Variants in PCDHGA11 observed in about 807,000 individuals in gnomAD.
PCDHGA11 encodes protocadherin gamma subfamily A, 11.
A neutral mutation model predicts 60.4 loss-of-function variants in PCDHGA11; 39 were observed. The ratio of observed to expected loss-of-function variants is 0.65; its 90% confidence interval spans 0.50 to 0.84. PCDHGA11 has a LOEUF of 0.84. Among genes scored for constraint, PCDHGA11 ranks in the 40% least tolerant of loss-of-function variants. The pLI, the probability that PCDHGA11 is intolerant of heterozygous loss-of-function variation, is 0.00. For synonymous variants in PCDHGA11, 533 were observed against 510.3 expected (o/e 1.04, Z -0.60); for missense variants, 1,165 against 1,197.7 (o/e 0.97, Z 0.40).
At position 141,471,885 on chromosome 5, in the gene PCDHGA11, A is replaced by G. The variant is rs180968509; in HGVS notation, c.2434-22922A>G. ...ACTGTGGTTGCCTGAGGCTGAAGCT[A>G]GGAAGATTGACTACAGACAAGCATG... On this transcript the variant is annotated intron_variant, in intron 1 of 3. Transcript: ENST00000398587. Among the ~76,000 whole-genome samples the G allele has an allele frequency of 1.9e-3, 294 of 152,338 alleles. 1 individual carries two copies. Among genetic ancestry groups the G allele is most frequent in the Middle Eastern group, 0.017 (5 of 294 alleles).
chr5:141,491,954 C>CA lies in PCDHGA11; in HGVS notation c.2434-2847dup. 1 of 1,032,920 alleles carries CA rather than the reference C, an allele frequency of 9.7e-7. No homozygotes were observed. Among genetic ancestry groups the CA allele is most frequent in the Non-Finnish European group, 1.3e-6 (1 of 747,262 alleles). 64.0% of individuals were successfully genotyped at this position (1,032,920 alleles called of 1,614,324 possible). A position where few individuals can be genotyped will look rare whatever the true frequency, so the allele number is the denominator to read the frequency against. ...TGGGACCGACCCCCACCCCTACACTCAAAAAAGGCCGGGGCCTCCTTCGAG... is the reference window on the plus strand; with the variant it reads ...TGGGACCGACCCCCACCCCTACACTCAAAAAAAGGCCGGGGCCTCCTTCGAG... On this transcript the variant is annotated intron_variant, in intron 1 of 3. Coordinates refer to ENST00000398587, the MANE Select transcript of PCDHGA11 (RefSeq NM_018914.3). This position sits in a 1 kb window ranked among gnomAD's most constrained non-coding sequence, Gnocchi z 6.9.
chr5:141,426,806 T>C (rs1390972821), intron 1 of PCDHGA11: 1 of 456,600 alleles, frequency 2.2e-6, no homozygotes, highest in Non-Finnish European at 4.4e-6. Context: ...TCAGTTCTAA[T>C]GAACATTTCT....
chr5:141,502,866 C>CTT (rs549047197), intron 2 of PCDHGA11, among the ~76,000 whole-genome samples: 3 of 128,046 alleles, frequency 2.3e-5, no homozygotes, highest in Non-Finnish European at 3.2e-5. Flanking sequence ...GACTCTCTGT[C>CTT]TTTTTTTTTT....
Position 141,421,189 on chromosome 5 carries a change from C to T in PCDHGA11, c.-39C>T. 1.4e-6 allele frequency: 2 copies of T among 1,477,674 alleles called. No homozygotes were observed. The highest frequency in any genetic ancestry group is 2.7e-5 in the South Asian group (2 of 74,392). The allele number at this position is 1,477,674 out of a possible 1,614,324, so 91.5% of individuals were successfully genotyped here. ...ATACATAAGCCGATTCACAACCAAC[C>T]AGCTCGAGAAACCGCGGAATATCGG... On this transcript the variant is annotated 5_prime_UTR_variant, in exon 1 of 4. Transcript: ENST00000398587.
chr5:141,488,552 A>C (rs993681273), intron 1 of PCDHGA11, among the ~76,000 whole-genome samples: 1 of 152,194 alleles, frequency 6.6e-6, no homozygotes, highest in African/African-American at 2.4e-5. Context: ...GTCAGCTGAC[A>C]TTGAGATTTC....
rs2099641960 is a variant in PCDHGA11 at position 141,487,259 on chromosome 5, T to C, written c.2434-7548T>C. On this transcript the variant is annotated intron_variant, in intron 1 of 3. Coordinates refer to ENST00000398587, the MANE Select transcript of PCDHGA11 (RefSeq NM_018914.3). This position sits in a 1 kb window ranked among gnomAD's most constrained non-coding sequence, Gnocchi z 5.0. ...TCGTCTAACCCTCTACTTGGCTGTG[T>C]CCCTAGTGGCAATTTGCTTTGTCTC... 6.2e-7 allele frequency: 1 copy of C among 1,614,132 alleles called. No homozygotes were observed. Among genetic ancestry groups the C allele is most frequent in the Non-Finnish European group, 8.5e-7 (1 of 1,180,012 alleles).
rs2099883574 is a variant in PCDHGA11, at chr5:141,511,027, C to T, written c.2662C>T (p.Leu888=). The change falls in exon 4 of 4, where the codon CTG becomes TTG. Residue 888 remains leucine (L), a synonymous_variant. Transcript: ENST00000398587. ...CGCCCGCTACGGACCCCAGTTCACCCTGCAGCACGTGCCCGACTACCGCCA... is the reference window on the plus strand; with the variant it reads ...CGCCCGCTACGGACCCCAGTTCACCTTGCAGCACGTGCCCGACTACCGCCA... The part of the protein sequence containing the change: ...LSARYGPQFT[L]QHVPDYRQNV... 2 of 1,614,230 alleles carry T rather than the reference C, an allele frequency of 1.2e-6. No individual in the cohort carries two copies. The highest frequency in any genetic ancestry group is 1.7e-6 in the Non-Finnish European group (2 of 1,180,034).
rs1161093615 is a variant in PCDHGA11 at position 141,423,678 on chromosome 5, G to A, written c.2433+18G>A. On this transcript the variant is annotated intron_variant, in intron 1 of 3. Coordinates refer to ENST00000398587, the MANE Select transcript of PCDHGA11 (RefSeq NM_018914.3). ...GTAATCAGGTGAGATTTATTTCTCT[G>A]CCTCCTAATTGTTGGTGTCTTGGCA... 3 of 1,496,158 alleles carry A rather than the reference G, an allele frequency of 2.0e-6. No individual in the cohort carries two copies. The highest frequency in any genetic ancestry group is 2.7e-6 in the Non-Finnish European group (3 of 1,123,206). 92.7% of individuals were successfully genotyped at this position (1,496,158 alleles called of 1,614,324 possible). A position where few individuals can be genotyped will look rare whatever the true frequency, so the allele number is the denominator to read the frequency against.
chr5:141,477,551 C>A lies in PCDHGA11; in HGVS notation c.2434-17256C>A. The A allele has an allele frequency of 6.2e-7, 1 of 1,614,178 alleles. No homozygotes were observed. The highest frequency in any genetic ancestry group is 1.3e-5 in the African/African-American group (1 of 75,032). ...CCTCCCCGGGGCTCCAATACTAAAC[C>A]TAAGTGTCTGGGACCCCGACGCCCC... is the stretch of plus-strand genomic sequence containing the variant. On this transcript the variant is annotated intron_variant, in intron 1 of 3. Transcript: ENST00000398587. The surrounding 1 kb of genome is among the most constrained non-coding windows in gnomAD (Gnocchi z 4.9).
chr5:141,485,466 T>C lies in PCDHGA11; in HGVS notation c.2434-9341T>C, dbSNP rs1485922901. ...ATCGACCGAGAGGCACTGTGTGGGC[T>C]CAGTGCCAGCTGCATCGTGCCCCTG... On this transcript the variant is annotated intron_variant, in intron 1 of 3. Transcript: ENST00000398587. The surrounding 1 kb of genome is among the most constrained non-coding windows in gnomAD (Gnocchi z 5.7). 6.2e-7 allele frequency: 1 copy of C among 1,613,868 alleles called. No individual in the cohort carries two copies. Among genetic ancestry groups the C allele is most frequent in the Non-Finnish European group, 8.5e-7 (1 of 1,179,924 alleles).
In PCDHGA11 at chr5:141,421,429, G is replaced by T; in HGVS notation, c.202G>T (p.Val68Phe). The T allele has an allele frequency of 6.2e-7, 1 of 1,614,090 alleles. No homozygotes were observed. The highest frequency in any genetic ancestry group is 8.5e-7 in the Non-Finnish European group (1 of 1,179,916). ...RELAKRGVRI[V>F]SRGKTQLFAV... The stretch of plus-strand genomic sequence containing the variant: ...GCTGGCGAAGCGCGGAGTCCGCATC[G>T]TCTCCAGAGGGAAGACACAGCTTTT... The change falls in exon 1 of 4, where the codon GTC (valine) becomes TTC (phenylalanine). Residue 68 changes from valine to phenylalanine, a missense_variant. Val to Phe is a conservative substitution (Grantham distance 50). Coordinates refer to ENST00000398587, the MANE Select transcript of PCDHGA11 (RefSeq NM_018914.3).
chr5:141,486,967 G>C lies in PCDHGA11; in HGVS notation c.2434-7840G>C. The C allele has an allele frequency of 6.2e-7, 1 of 1,614,202 alleles. No homozygotes were observed. Among genetic ancestry groups the C allele is most frequent in the Non-Finnish European group, 8.5e-7 (1 of 1,180,032 alleles). ...TCACAAAGGTGACTGCTGTGGACTT[G>C]GATTCAGGTTACAATGCTTGGGTTT... On this transcript the variant is annotated intron_variant, in intron 1 of 3. Transcript: ENST00000398587. The surrounding 1 kb of genome is among the most constrained non-coding windows in gnomAD (Gnocchi z 5.0).
At chr5:141,450,006 C>CTATTTTTTTTTTTT (rs70988802) in intron 1 of PCDHGA11, among the ~76,000 whole-genome samples, 1 of 132,966 alleles carries the variant, frequency 7.5e-6, no homozygotes, top group Non-Finnish European at 1.6e-5. Flanking sequence ...TGCCATGTCT[C>CTATTTTTTTTTTTT]TTTTTTTTTT....
chr5:141,427,751 C>G (rs778043340), intron 1 of PCDHGA11: 6 of 1,306,076 alleles, frequency 4.6e-6, no homozygotes, highest in Non-Finnish European at 6.6e-6. Context: ...CCTACTCCAT[C>G]GTTACCACTG....
intron 1 of PCDHGA11, among the ~76,000 whole-genome samples, chr5:141,426,065 G>C (rs1214623774): frequency 1.3e-5 from 2 of 152,184 alleles, no homozygotes; most frequent in East Asian, 3.8e-4. Flanking sequence ...GCAAGAACTG[G>C]AGCCTGGGAT....
At chr5:141,433,235 C>T (rs1307904588) in intron 1 of PCDHGA11, 13 of 1,509,616 alleles carry the variant, frequency 8.6e-6, no homozygotes, top group Non-Finnish European at 1.1e-5. Context: ...GCTCTGTCTC[C>T]CAAGCTGGAA....
At chr5:141,433,056 G>A (rs1422450948) in intron 1 of PCDHGA11, 1 of 1,614,204 alleles carries the variant, frequency 6.2e-7, no homozygotes, top group South Asian at 1.1e-5. Context: ...TCGCGGAAGA[G>A]TCACCTGATC....
chr5:141,486,565 TC>T lies in PCDHGA11; in HGVS notation c.2434-8240del. The T allele has an allele frequency of 6.2e-7, 1 of 1,614,024 alleles. No homozygotes were observed. The highest frequency in any genetic ancestry group is 2.2e-5 in the East Asian group (1 of 44,880). On this transcript the variant is annotated intron_variant, in intron 1 of 3. Transcript: ENST00000398587. This position sits in a 1 kb window ranked among gnomAD's most constrained non-coding sequence, Gnocchi z 5.0. Reference sequence around the variant, plus strand: ...TTCAGAGGTCACATGAGGTGTTTGTTCCTGAGAACAATCGCCCAGGGGACCT... The same window carrying T: ...TTCAGAGGTCACATGAGGTGTTTGTTCTGAGAACAATCGCCCAGGGGACCT...
chr5:141,453,144 C>T lies in PCDHGA11; in HGVS notation c.2433+29484C>T, dbSNP rs530175947. ...TTGTTTTGTTTTTGAGATAGGGTCT[C>T]GCTATGTCACCCAGGCTGGAGTCCA... On this transcript the variant is annotated intron_variant, in intron 1 of 3. Transcript: ENST00000398587. Among the ~76,000 whole-genome samples, 290 of 152,062 alleles carry T rather than the reference C, an allele frequency of 1.9e-3. 1 individual carries two copies. The highest frequency in any genetic ancestry group is 6.3e-3 in the African/African-American group (260 of 41,478).
Sources: allele counts gnomAD v4.1 joint callset (sites outside exome capture counted in the v4.1 genomes callset), GRCh38; gene constraint gnomAD v4.1.1; non-coding constraint Gnocchi (gnomAD v3.1); transcripts MANE v1.5; gene names NCBI Gene and HGNC (gene_info 2026-07-23, HGNC 2026-07-21).